CLK2: variants seen among roughly 807,000 people sequenced by gnomAD.
The protein encoded by CLK2 is dual specificity protein kinase CLK2.
CLK2 carries 12 observed loss-of-function variants against 73.5 expected under a neutral mutation model. The observed-to-expected ratio is 0.16, with a 90% CI of 0.10 to 0.26. The LOEUF is 0.26. Among genes scored for constraint, CLK2 ranks in the 10% least tolerant of loss-of-function variants. The pLI, the probability that CLK2 is intolerant of heterozygous loss-of-function variation, is 1.00. For synonymous variants in CLK2, 232 were observed against 237.9 expected (o/e 0.98, Z 0.23); for missense variants, 509 against 688.4 (o/e 0.74, Z 2.92).
rs548840427 is a variant in CLK2, at chr1:155,266,196, T to A, written c.839-242A>T. On this transcript the variant is annotated intron_variant, in intron 7 of 12. Transcript: ENST00000368361. Reference sequence around the variant, plus strand: ...AAAAAAAGTTTGCTTTGAGTTGTAGTGTGTACACACTTTGACATGTGTCTA... The same window carrying A: ...AAAAAAAGTTTGCTTTGAGTTGTAGAGTGTACACACTTTGACATGTGTCTA... Among the ~76,000 whole-genome samples the A allele has an allele frequency of 1.3e-3, 201 of 152,306 alleles. 2 individuals are homozygous for A. The highest frequency in any genetic ancestry group is 4.7e-3 in the African/African-American group (194 of 41,572).
rs1673144657 is a variant in CLK2, at chr1:155,264,709, A to G, written c.999T>C (p.Phe333=). ...VRVVDFGSAT[F]DHEHHSTIVS... The stretch of plus-strand genomic sequence containing the variant: ...CAATGGTGCTATGGTGCTCATGGTC[A>G]AAGGTGGCACTGCCAAAGTCTACCA... The change falls in exon 9 of 13, where the codon TTT becomes TTC. Residue 333 remains phenylalanine (F), a synonymous_variant. Coordinates refer to ENST00000368361, the MANE Select transcript of CLK2 (RefSeq NM_001294338.2). 1.2e-6 allele frequency: 2 copies of G among 1,614,106 alleles called. No homozygotes were observed. Among genetic ancestry groups the G allele is most frequent in the African/African-American group, 1.3e-5 (1 of 74,932 alleles).
intron 6 of CLK2, 127 bp from the exon 7 acceptor site, chr1:155,267,022 T>C: frequency 9.7e-7 from 1 of 1,029,132 alleles, no homozygotes. Flanking sequence ...CAGCTAGTAC[T>C]AACACCAAAA....
At chr1:155,271,562 T>G (rs1673508041) in intron 1 of CLK2, among the ~76,000 whole-genome samples, 1 of 152,150 alleles carries the variant, frequency 6.6e-6, no homozygotes, top group Non-Finnish European at 1.5e-5. Context: ...CAAACACAGC[T>G]CCATGAAGAC....
chr1:155,266,667 G>T, intron 7 of CLK2, 62 bp downstream of exon 7: 1 of 1,559,734 alleles, frequency 6.4e-7, no homozygotes, highest in South Asian at 1.2e-5. Context: ...GTGCACAACC[G>T]ACAGAGAGAT....
intron 1 of CLK2, among the ~76,000 whole-genome samples, chr1:155,272,165 C>T (rs966528907): frequency 4.6e-5 from 7 of 152,048 alleles, no homozygotes; most frequent in South Asian, 2.1e-4. Context: ...TACAGGCATG[C>T]GCCGCCACGC....
At position 155,269,488 on chromosome 1, in the gene CLK2, C is replaced by T; in HGVS notation, c.399G>A (p.Ser133=). 7 of 1,613,540 alleles carry T rather than the reference C, an allele frequency of 4.3e-6. No homozygotes were observed. The highest frequency in any genetic ancestry group is 2.2e-5 in the South Asian group (2 of 91,076). ...RRSRTFSRSS[S]QHSSRRAKSV... is the part of the protein sequence containing the mutation. ...AGGAAGGGCCTGGGCTGGCACTCAC[C>T]GAAGATGAGCGGCTAAATGTCCGGC... Residue 133 remains serine (S), a splice_region_variant and synonymous_variant, in exon 3 of 13, where the codon TCG becomes TCA. Coordinates refer to ENST00000368361, the MANE Select transcript of CLK2 (RefSeq NM_001294338.2).
chr1:155,273,167 T>A (rs1673594144), intron 1 of CLK2, 34 bp downstream of exon 1: 1 of 146,640 alleles, frequency 6.8e-6, no homozygotes, highest in Non-Finnish European at 1.5e-5. Context: ...GCGGTCGCCA[T>A]CTTTTCGCGC....
chr1:155,272,263 G>A lies in CLK2; in HGVS notation c.-1+938C>T, dbSNP rs184694220. Among the ~76,000 whole-genome samples the A allele has an allele frequency of 2.0e-4, 31 of 152,270 alleles. No individual in the cohort carries two copies. The East Asian group carries it at 5.6e-3, about 27-fold the overall frequency. On this transcript the variant is annotated intron_variant, in intron 1 of 12. Transcript: ENST00000368361. ...ACTCCCAACCTCAGGTGATCCGCCCGCCTTGGCCTCCCAAAGTGCTGGGAT... is the reference window on the plus strand; with the variant it reads ...ACTCCCAACCTCAGGTGATCCGCCCACCTTGGCCTCCCAAAGTGCTGGGAT...
At chr1:155,272,781 C>T (rs1473936210) in intron 1 of CLK2, among the ~76,000 whole-genome samples, 6 of 152,192 alleles carry the variant, frequency 3.9e-5, no homozygotes, top group Non-Finnish European at 7.3e-5. Flanking sequence ...CATCACTAGC[C>T]TACCTTTCTC....
In CLK2 at chr1:155,265,853, A is replaced by G. The variant is rs769604960; in HGVS notation, c.933+7T>C. ...CAGTAACCAAGGGCAGACCCTATCC[A>G]TCTTACCTTCTCTAGGTTGTAGGTG... On this transcript the variant is annotated splice_region_variant and intron_variant, in intron 8 of 12. Transcript: ENST00000368361. 6.3e-7 allele frequency: 1 copy of G among 1,589,544 alleles called. No homozygotes were observed. Among genetic ancestry groups the G allele is most frequent in the East Asian group, 2.2e-5 (1 of 44,756 alleles).
Position 155,269,556 on chromosome 1 carries a change from G to A in CLK2, c.331C>T (p.Gln111Ter). 6.2e-7 allele frequency: 1 copy of A among 1,614,168 alleles called. No homozygotes were observed. Among genetic ancestry groups the A allele is most frequent in the Non-Finnish European group, 8.5e-7 (1 of 1,180,050 alleles). ...CTGTGCTTCCTCCGGCTGCTGCGCT[G>A]GCTGCGGTAACTGCTGTTCTCCCGC... ...YQRENSSYRSQRSSRRKHRRR... is the reference protein window; with the variant it reads ...YQRENSSYRS Residue 111 changes from glutamine (Q) to a stop codon, truncating the protein, a stop_gained, in exon 3 of 13, where the codon CAG becomes TAG. Coordinates refer to ENST00000368361, the MANE Select transcript of CLK2 (RefSeq NM_001294338.2). LOFTEE classifies it high-confidence loss of function.
At chr1:155,264,418 AACC>A (rs1219890861) in intron 10 of CLK2, 47 bp downstream of exon 10, 1 of 1,607,992 alleles carries the variant, frequency 6.2e-7, no homozygotes, top group African/African-American at 1.3e-5. Context: ...AAAACAAAGG[AACC>A]AGGTAGAAGA....
chr1:155,264,157 T>C, intron 11 of CLK2, 64 bp downstream of exon 11: 1 of 1,591,866 alleles, frequency 6.3e-7, no homozygotes, highest in Non-Finnish European at 8.6e-7. Context: ...GAAAATGATG[T>C]GAAATAGACC....
In CLK2 at chr1:155,268,940, G is replaced by A. The variant is rs879588642; in HGVS notation, c.400-145C>T. ...GATGGGGGACAGTGGAAGGGAACAC[G>A]TCAGATGCAGTAAGGTGGATCGGTG... On this transcript the variant is annotated intron_variant, in intron 3 of 12. Coordinates refer to ENST00000368361, the MANE Select transcript of CLK2 (RefSeq NM_001294338.2). The surrounding 1 kb of genome is among the most constrained non-coding windows in gnomAD (Gnocchi z 5.6). 2.8e-4 allele frequency: 184 copies of A among 655,158 alleles called. No homozygotes were observed. Among genetic ancestry groups the A allele is most frequent in the Non-Finnish European group, 4.3e-4 (157 of 361,216 alleles). The allele number at this position is 655,158 out of a possible 1,614,324, so 40.6% of individuals were successfully genotyped here.
intron 3 of CLK2, 195 bp downstream of exon 3, chr1:155,269,293 C>T (rs1289744786): frequency 9.8e-6 from 6 of 611,924 alleles, no homozygotes; most frequent in South Asian, 9.8e-5. Flanking sequence ...ACAAATGCTC[C>T]GTGCCCATCC....
chr1:155,270,479 C>T (rs547417277), intron 2 of CLK2, among the ~76,000 whole-genome samples: 27 of 152,312 alleles, frequency 1.8e-4, no homozygotes, highest in African/African-American at 6.0e-4. Flanking sequence ...CAGTCCTTTG[C>T]ACATGCTTTC....
chr1:155,270,203 CAA>C (rs35358437), intron 2 of CLK2, among the ~76,000 whole-genome samples: 168 of 111,582 alleles, frequency 1.5e-3, no homozygotes, highest in East Asian at 3.1e-3. Flanking sequence ...ACTAAAAATA[CAA>C]AAAAAAAAAA....
At position 155,264,780 on chromosome 1, in the gene CLK2, A is replaced by G; in HGVS notation, c.934-6T>C. 1 of 1,614,010 alleles carries G rather than the reference A, an allele frequency of 6.2e-7. No individual in the cohort carries two copies. Among genetic ancestry groups the G allele is most frequent in the African/African-American group, 1.3e-5 (1 of 75,060 alleles). Reference sequence around the variant, plus strand: ...ACACTGCGCTCATCTCGCTTCTAGGAGCAGAGGAGAAAGAGGATGAACCTC... The same window carrying G: ...ACACTGCGCTCATCTCGCTTCTAGGGGCAGAGGAGAAAGAGGATGAACCTC... On this transcript the variant is annotated splice_polypyrimidine_tract_variant and splice_region_variant and intron_variant, in intron 8 of 12. Transcript: ENST00000368361.
At chr1:155,269,127 AC>A in intron 3 of CLK2, 1 of 572,442 alleles carries the variant, frequency 1.7e-6, no homozygotes, top group Non-Finnish European at 3.1e-6. Flanking sequence ...CCTTGCCCCC[AC>A]CCAAGCCCGC....
Sources: gnomAD v4.1 joint callset for allele counts (sites outside exome capture counted in the v4.1 genomes callset) on GRCh38, gnomAD v4.1.1 for gene constraint, Gnocchi (gnomAD v3.1) non-coding constraint, MANE v1.5 for transcripts, NCBI Gene and HGNC (gene_info 2026-07-23, HGNC 2026-07-21) for gene names.